The following LSAMP variants were observed in gnomAD, a reference collection of about 807,000 sequenced individuals.
LSAMP encodes the protein limbic system associated membrane protein.
A neutral mutation model predicts 38.6 loss-of-function variants in LSAMP; 7 were observed. The ratio of observed to expected loss-of-function variants is 0.18; its 90% CI spans 0.10 to 0.34. The LOEUF is 0.34. Among genes scored for constraint, LSAMP ranks in the 10% least tolerant of loss-of-function variants. LSAMP has a pLI of 1.00. For missense variants in LSAMP, 313 were observed against 420.0 expected (o/e 0.75, Z 2.23); for synonymous variants, 154 against 166.8 (o/e 0.92, Z 0.59).
intron 1 of LSAMP, among the ~76,000 whole-genome samples, chr3:116,245,491 G>T (rs2046593513): frequency 6.6e-6 from 1 of 152,018 alleles, no homozygotes; most frequent in South Asian, 2.1e-4. Context: ...TTAAAATTTG[G>T]TGCATATCTT....
At chr3:116,075,388 A>T (rs1036392741) in intron 2 of LSAMP, among the ~76,000 whole-genome samples, 4 of 149,738 alleles carry the variant, frequency 2.7e-5, no homozygotes, top group Admixed American at 6.7e-5. Flanking sequence ...CGCCCGCCTC[A>T]GCCTCCCAAA....
At chr3:116,087,539 G>A (rs918671227) in intron 1 of LSAMP, among the ~76,000 whole-genome samples, 5 of 152,160 alleles carry the variant, frequency 3.3e-5, no homozygotes, top group East Asian at 1.9e-4. Context: ...CTGCCCCATA[G>A]GGAGATGTCC....
At chr3:115,954,959 G>T (rs376336345) in intron 3 of LSAMP, among the ~76,000 whole-genome samples, 2,856 of 147,280 alleles carry the variant, frequency 0.019, 88 homozygotes, top group African/African-American at 0.065. Context: ...TTTTGTTTTT[G>T]TTTTTTTTTT....
At chr3:116,076,396 T>C (rs1307831629) in intron 2 of LSAMP, among the ~76,000 whole-genome samples, 1 of 152,088 alleles carries the variant, frequency 6.6e-6, no homozygotes, top group Non-Finnish European at 1.5e-5. Context: ...TAGCTGGGAC[T>C]ATAGGAGCCC....
chr3:116,225,458 T>C (rs1283351114), intron 1 of LSAMP, among the ~76,000 whole-genome samples: 1 of 152,146 alleles, frequency 6.6e-6, no homozygotes, highest in East Asian at 1.9e-4. Context: ...TCCCAAACTA[T>C]TGTTTTAAAC....
chr3:116,182,979 T>C (rs1452807474), intron 1 of LSAMP, among the ~76,000 whole-genome samples: 1 of 151,906 alleles, frequency 6.6e-6, no homozygotes, highest in Non-Finnish European at 1.5e-5. Flanking sequence ...ATTGCTGGTC[T>C]CTGTTTACAC....
chr3:116,336,904 A>C (rs567985902), intron 1 of LSAMP, among the ~76,000 whole-genome samples: 104 of 151,998 alleles, frequency 6.8e-4, no homozygotes, highest in African/African-American at 2.3e-3. Context: ...TGTTCATTAA[A>C]AAATGGATGG....
chr3:116,194,442 T>A (rs1710831424), intron 1 of LSAMP, among the ~76,000 whole-genome samples: 1 of 152,208 alleles, frequency 6.6e-6, no homozygotes, highest in South Asian at 2.1e-4. Context: ...TCGCCCAGGC[T>A]GGAGTACATT....
chr3:116,415,099 A>T (rs912968755), intron 1 of LSAMP, among the ~76,000 whole-genome samples: 4 of 152,068 alleles, frequency 2.6e-5, no homozygotes, highest in Non-Finnish European at 5.9e-5. Flanking sequence ...CGAAAAAAAA[A>T]ATCTGCTTAA....
chr3:116,423,841 A>G (rs2049160641), intron 1 of LSAMP, among the ~76,000 whole-genome samples: 1 of 152,228 alleles, frequency 6.6e-6, no homozygotes, highest in Admixed American at 6.5e-5. Flanking sequence ...TAGTAAGTGA[A>G]AAGAAAAAAG....
In LSAMP at chr3:116,411,389, A is replaced by G. The variant is rs1432981850; in HGVS notation, c.155+33488T>C. On this transcript the variant is annotated intron_variant, in intron 1 of 6. Transcript: ENST00000490035. ...TTGGAACCAACCCAAATGTCCAACA[A>G]TGATAGACTGGATTAAGAAAATGTG... Among the ~76,000 whole-genome samples, 5 of 152,012 alleles carry G rather than the reference A, an allele frequency of 3.3e-5. 1 individual carries two copies. Among genetic ancestry groups the G allele is most frequent in the Admixed American group, 1.3e-4 (2 of 15,264 alleles).
intron 3 of LSAMP, among the ~76,000 whole-genome samples, chr3:115,976,104 T>C (rs894803397): frequency 6.6e-6 from 1 of 152,202 alleles, no homozygotes; most frequent in Non-Finnish European, 1.5e-5. Flanking sequence ...ACTGCATTCC[T>C]GTTTCTTCCC....
rs554063200 is a variant in LSAMP at position 116,348,063 on chromosome 3, A to T, written c.155+96814T>A. On this transcript the variant is annotated intron_variant, in intron 1 of 6. Coordinates refer to ENST00000490035, the MANE Select transcript of LSAMP (RefSeq NM_002338.5). ...CTCGGTGTATATCTGGTACTCCAGC[A>T]TAATTATCGGTAGCAATCCTTCCAC... Among the ~76,000 whole-genome samples the T allele has an allele frequency of 6.8e-4, 104 of 152,244 alleles. 1 individual carries two copies. Among genetic ancestry groups the T allele is most frequent in the Admixed American group, 2.4e-3 (37 of 15,276 alleles).
intron 2 of LSAMP, among the ~76,000 whole-genome samples, chr3:116,022,973 A>AT (rs1308037512): frequency 6.6e-6 from 1 of 152,144 alleles, no homozygotes; most frequent in Non-Finnish European, 1.5e-5. Context: ...AAGCAAAAAA[A>AT]GCAAAGCATC....
chr3:115,859,028 A>G (rs1454610771), intron 3 of LSAMP, among the ~76,000 whole-genome samples: 1 of 152,214 alleles, frequency 6.6e-6, no homozygotes, highest in Non-Finnish European at 1.5e-5. Context: ...AGGAAGAGAG[A>G]AAGAAACACA....
intron 3 of LSAMP, among the ~76,000 whole-genome samples, chr3:115,857,596 C>T (rs1008655368): frequency 6.6e-6 from 1 of 152,136 alleles, no homozygotes; most frequent in African/African-American, 2.4e-5. Context: ...CAAGCCTGCT[C>T]ACATCGCTGA....
At chr3:116,420,980 T>C (rs905692595) in intron 1 of LSAMP, among the ~76,000 whole-genome samples, 1 of 152,138 alleles carries the variant, frequency 6.6e-6, no homozygotes, top group African/African-American at 2.4e-5. Flanking sequence ...GATCTCCACA[T>C]TGAAAAAAAT....
chr3:116,282,673 A>T (rs2047141862), intron 1 of LSAMP, among the ~76,000 whole-genome samples: 1 of 152,144 alleles, frequency 6.6e-6, no homozygotes, highest in Non-Finnish European at 1.5e-5. Flanking sequence ...AATGCTCTGG[A>T]ATGTAACTAA....
chr3:115,850,551 C>A (rs1043758907), intron 4 of LSAMP, among the ~76,000 whole-genome samples: 2 of 152,114 alleles, frequency 1.3e-5, no homozygotes, highest in East Asian at 3.8e-4. Context: ...TATAACATTG[C>A]GATCATTAAT....
Sources: allele counts gnomAD v4.1 joint callset (sites outside exome capture counted in the v4.1 genomes callset), GRCh38; gene constraint gnomAD v4.1.1; transcripts MANE v1.5; gene names NCBI Gene and HGNC (gene_info 2026-07-23, HGNC 2026-07-21).